CNNM1: variants seen among roughly 807,000 people sequenced by gnomAD.
The protein encoded by CNNM1 is cyclin and CBS domain divalent metal cation transport mediator 1.
In CNNM1, 44 loss-of-function variants were observed where a neutral mutation model predicts 78.8. The ratio of observed to expected loss-of-function variants is 0.56; its 90% CI spans 0.44 to 0.72. The LOEUF (loss-of-function observed/expected upper bound fraction) is 0.72, where lower values mean the gene tolerates loss of function less well. Ranked by LOEUF, CNNM1 falls within the 30% of genes least tolerant of loss-of-function variation. The pLI is 0.00. For missense variants in CNNM1, 1,101 were observed against 1,292.2 expected (o/e 0.85, Z 2.27); for synonymous variants, 584 against 581.5 (o/e 1.00, Z -0.06).
chr10:99,354,294 G>A (rs542170564), intron 1 of CNNM1, among the ~76,000 whole-genome samples: 11 of 152,158 alleles, frequency 7.2e-5, no homozygotes, highest in Non-Finnish European at 1.6e-4. Context: ...AACTGGGTAG[G>A]ATGTAGTTGT....
chr10:99,356,791 G>A (rs2031233732), intron 1 of CNNM1, among the ~76,000 whole-genome samples: 1 of 152,054 alleles, frequency 6.6e-6, no homozygotes, highest in African/African-American at 2.4e-5. Context: ...GGCTCAGCTG[G>A]GACTGGCACC....
chr10:99,337,013 G>A (rs1480843033), intron 1 of CNNM1, among the ~76,000 whole-genome samples: 1 of 152,138 alleles, frequency 6.6e-6, no homozygotes, highest in Non-Finnish European at 1.5e-5. Flanking sequence ...AACTGTTTAT[G>A]TCTGTTTCAT....
At chr10:99,347,136 G>A (rs1446179658) in intron 1 of CNNM1, among the ~76,000 whole-genome samples, 2 of 151,640 alleles carry the variant, frequency 1.3e-5, no homozygotes, top group Non-Finnish European at 2.9e-5. Flanking sequence ...TCTGTGACAC[G>A]AATTTACCTA....
chr10:99,376,957 C>G, intron 6 of CNNM1, 98 bp from the exon 7 acceptor site: 1 of 1,210,356 alleles, frequency 8.3e-7, no homozygotes, highest in South Asian at 1.5e-5. Flanking sequence ...CCTCAGTAAA[C>G]AACACCTGTC....
Position 99,348,076 on chromosome 10 carries a change from ACTGTCACC to A in CNNM1, c.1574-9434_1574-9427del, listed in dbSNP as rs1171686473. Among the ~76,000 whole-genome samples the A allele has an allele frequency of 9.5e-5, 14 of 147,408 alleles. No homozygotes were observed. In the Admixed American group the frequency reaches 9.6e-4, roughly 10 times the overall value. Reference sequence around the variant, plus strand: ...TTTTTTTTTTTTGAGACAACATCTCACTGTCACCCAGGCTGGTGTGCATTGGTGCAATC... The same window carrying A: ...TTTTTTTTTTTTGAGACAACATCTCACAGGCTGGTGTGCATTGGTGCAATC... On this transcript the variant is annotated intron_variant, in intron 1 of 10. Coordinates refer to ENST00000356713, the MANE Select transcript of CNNM1 (RefSeq NM_020348.3).
intron 1 of CNNM1, among the ~76,000 whole-genome samples, chr10:99,354,400 G>C (rs2134037424): frequency 6.6e-6 from 1 of 152,214 alleles, no homozygotes; most frequent in East Asian, 1.9e-4. Context: ...GCTTTCTTTA[G>C]TATCTGGTTT....
At chr10:99,334,454 A>C (rs952733604) in intron 1 of CNNM1, among the ~76,000 whole-genome samples, 1 of 152,138 alleles carries the variant, frequency 6.6e-6, no homozygotes, top group Admixed American at 6.5e-5. Flanking sequence ...GGAGTTCGTG[A>C]CCAGCTTGGC....
At chr10:99,370,057 C>T (rs2031749581) in intron 6 of CNNM1, among the ~76,000 whole-genome samples, 1 of 152,194 alleles carries the variant, frequency 6.6e-6, no homozygotes, top group South Asian at 2.1e-4. Flanking sequence ...TTAATTGTAA[C>T]TTCCCAGTTA....
At chr10:99,355,957 A>T (rs2031127422) in intron 1 of CNNM1, among the ~76,000 whole-genome samples, 1 of 152,220 alleles carries the variant, frequency 6.6e-6, no homozygotes, top group Non-Finnish European at 1.5e-5. Flanking sequence ...TCACTAGGTC[A>T]TTTGAGCTCC....
At position 99,330,595 on chromosome 10, in the gene CNNM1, C is replaced by A; in HGVS notation, c.1208C>A (p.Ala403Asp). 6.2e-7 allele frequency: 1 copy of A among 1,612,698 alleles called. No homozygotes were observed. The highest frequency in any genetic ancestry group is 8.5e-7 in the Non-Finnish European group (1 of 1,179,410). The change falls in exon 1 of 11, where the codon GCC becomes GAC. Residue 403 changes from alanine (A) to aspartate (D), a missense_variant. Ala to Asp is a moderately radical substitution (Grantham distance 126, BLOSUM62 -2). Around this residue, in one of 3 missense-constraint regions of CNNM1, gnomAD observed 277 missense variants for 423.2 expected, o/e 0.65. Transcript: ENST00000356713. ...TREKLLETLR[A>D]ADPYSDLVKE... ...GAGAAGTTGCTGGAGACGTTGCGGGCCGCAGACCCCTACAGTGACCTGGTG... is the reference window on the plus strand; with the variant it reads ...GAGAAGTTGCTGGAGACGTTGCGGGACGCAGACCCCTACAGTGACCTGGTG...
chr10:99,390,509 C>A, intron 10 of CNNM1, 102 bp downstream of exon 10: 1 of 789,192 alleles, frequency 1.3e-6, no homozygotes. Flanking sequence ...ATGGACTCCT[C>A]TTAGAAACCC....
At chr10:99,343,866 C>G (rs1424624690) in intron 1 of CNNM1, among the ~76,000 whole-genome samples, 1 of 151,838 alleles carries the variant, frequency 6.6e-6, no homozygotes, top group Non-Finnish European at 1.5e-5. Flanking sequence ...AGACACCCGC[C>G]ACCATGCCCA....
At chr10:99,359,162 C>A (rs1314162337) in intron 2 of CNNM1, among the ~76,000 whole-genome samples, 1 of 141,610 alleles carries the variant, frequency 7.1e-6, no homozygotes, top group Non-Finnish European at 1.5e-5. Context: ...TTCCAACACA[C>A]ACTATTGAAA....
intron 2 of CNNM1, among the ~76,000 whole-genome samples, chr10:99,357,874 C>G (rs941331086): frequency 1.3e-5 from 2 of 152,128 alleles, no homozygotes; most frequent in Non-Finnish European, 2.9e-5. Context: ...CAGGAGGGAA[C>G]CTTCAGGAAC....
Position 99,329,750 on chromosome 10 carries a change from C to A in CNNM1, c.363C>A (p.Ser121Arg), listed in dbSNP as rs764768249. ...CGGGCGGTGGCGGCGTGGCCCCCAG[C>A]GCGGTCCCCACTCGCCCCCCGGGAC... Reference protein sequence around the residue: ...EPPGGGGVAPSAVPTRPPGPQ... With the variant: ...EPPGGGGVAPRAVPTRPPGPQ... Residue 121 changes from serine (S) to arginine (R), a missense_variant, in exon 1 of 11, where the codon AGC (serine) becomes AGA (arginine). Ser to Arg is a moderately radical substitution (Grantham distance 110). Transcript: ENST00000356713. The A allele has an allele frequency of 1.3e-6, 2 of 1,501,996 alleles. No individual in the cohort carries two copies. The highest frequency in any genetic ancestry group is 4.3e-5 in the Admixed American group (2 of 46,588). 93.0% of individuals were successfully genotyped at this position (1,501,996 alleles called of 1,614,324 possible).
chr10:99,361,274 C>G (rs534433835), intron 3 of CNNM1, among the ~76,000 whole-genome samples: 1 of 152,170 alleles, frequency 6.6e-6, no homozygotes, highest in Admixed American at 6.5e-5. Context: ...CGCTGAAGCC[C>G]GAGGCCATCT....
chr10:99,355,241 C>T (rs971102808), intron 1 of CNNM1, among the ~76,000 whole-genome samples: 5 of 129,754 alleles, frequency 3.9e-5, no homozygotes, highest in African/African-American at 1.5e-4. Flanking sequence ...CACACGGACA[C>T]AGGAAGGGGA....
At chr10:99,388,401 C>T (rs2134084443) in intron 9 of CNNM1, 100 bp downstream of exon 9, 1 of 1,400,912 alleles carries the variant, frequency 7.1e-7, no homozygotes, top group East Asian at 2.5e-5. Context: ...CCTGGGACCG[C>T]AGCCCGTGCG....
chr10:99,340,810 CTTTCTTTCT>C (rs1196640978), intron 1 of CNNM1, among the ~76,000 whole-genome samples: 42 of 133,790 alleles, frequency 3.1e-4, no homozygotes, highest in African/African-American at 1.1e-3. Context: ...CTTTCTCTTT[CTTTCTTTCT>C]TTTCTTTTCT....
Sources: gnomAD v4.1 joint callset for allele counts (sites outside exome capture counted in the v4.1 genomes callset) on GRCh38, gnomAD v4.1.1 for gene constraint, gnomAD v4.1.1 regional missense constraint, MANE v1.5 for transcripts, NCBI Gene and HGNC (gene_info 2026-07-23, HGNC 2026-07-21) for gene names.